Variants in KCNC4 observed in about 807,000 individuals in gnomAD.
KCNC4 encodes the protein potassium voltage-gated channel subfamily C member 4.
KCNC4 carries 23 observed loss-of-function variants against 42.8 expected under a neutral mutation model. The observed-to-expected ratio is 0.54, with a 90% CI of 0.39 to 0.76. The LOEUF (loss-of-function observed/expected upper bound fraction) is 0.76, where lower values mean the gene tolerates loss of function less well. Ranked by LOEUF, KCNC4 falls within the 30% of genes least tolerant of loss-of-function variation. The probability of loss-of-function intolerance (pLI) is 0.00; values close to 1 mark genes in which losing one functional copy is unlikely to be tolerated. For missense variants in KCNC4, 751 were observed against 898.2 expected (o/e 0.84, Z 2.10); for synonymous variants, 422 against 393.5 (o/e 1.07, Z -0.86).
intron 1 of KCNC4, among the ~76,000 whole-genome samples, chr1:110,267,435 TC>T (rs1659560059): frequency 1.3e-5 from 2 of 152,086 alleles, no homozygotes; most frequent in South Asian, 4.1e-4. Flanking sequence ...CCCCGCTGCC[TC>T]CATGTCCTTC....
chr1:110,266,458 CA>C (rs1659541891), intron 1 of KCNC4, among the ~76,000 whole-genome samples: 1 of 152,174 alleles, frequency 6.6e-6, no homozygotes, highest in South Asian at 2.1e-4. Context: ...AACAGTCATT[CA>C]TTGTTGGTAA....
chr1:110,259,620 C>T (rs1268567260), intron 1 of KCNC4, among the ~76,000 whole-genome samples: 8 of 152,116 alleles, frequency 5.3e-5, no homozygotes, highest in African/African-American at 1.9e-4. Flanking sequence ...CCCCTTCTTC[C>T]TGCCTGGAGG....
chr1:110,277,195 A>G (rs1410514448), intron 1 of KCNC4, among the ~76,000 whole-genome samples: 1 of 152,228 alleles, frequency 6.6e-6, no homozygotes, highest in Non-Finnish European at 1.5e-5. Context: ...AAAAATGTTC[A>G]GGGCCAGCCA....
intron 1 of KCNC4, among the ~76,000 whole-genome samples, chr1:110,261,408 G>A (rs892221655): frequency 6.6e-6 from 1 of 152,200 alleles, no homozygotes; most frequent in Non-Finnish European, 1.5e-5. Flanking sequence ...GACAAAGTAT[G>A]CCTGATAGGA....
chr1:110,250,880 T>A (rs1659238951), downstream of KCNC4, among the ~76,000 whole-genome samples: 1 of 152,144 alleles, frequency 6.6e-6, no homozygotes, highest in South Asian at 2.1e-4. Flanking sequence ...CAGGTGGCTG[T>A]TCCTGAAGCC....
At chr1:110,218,217 C>G (rs571963441) in intron 1 of KCNC4, among the ~76,000 whole-genome samples, 15 of 152,296 alleles carry the variant, frequency 9.8e-5, no homozygotes, top group African/African-American at 3.1e-4. Flanking sequence ...CTGGAATGCT[C>G]TAGGCTTTGT....
intron 1 of KCNC4, among the ~76,000 whole-genome samples, chr1:110,215,149 G>A (rs1305498883): frequency 6.6e-6 from 1 of 152,238 alleles, no homozygotes; most frequent in African/African-American, 2.4e-5. Flanking sequence ...GGAGCAAAAC[G>A]ATACAAATGG....
chr1:110,214,221 C>T (rs1043650969), intron 1 of KCNC4, among the ~76,000 whole-genome samples: 2 of 152,202 alleles, frequency 1.3e-5, no homozygotes, highest in Admixed American at 6.5e-5. Flanking sequence ...AAGGTTAATT[C>T]TTCCATTTAA....
Position 110,211,552 on chromosome 1 carries a change from A to C in KCNC4, c.53A>C (p.Lys18Thr). The change falls in exon 1 of 4, where the codon AAG (lysine) becomes ACG (threonine). Residue 18 changes from lysine to threonine, a missense_variant. Lys to Thr is a moderately conservative substitution (Grantham distance 78, BLOSUM62 -1). This residue lies in a region of KCNC4 where 183 missense variants were observed against 255.8 expected (regional missense o/e 0.72). Coordinates refer to ENST00000438661, the MANE Select transcript of KCNC4 (RefSeq NM_001039574.3). The surrounding 1 kb of genome is among the most constrained non-coding windows in gnomAD (Gnocchi z 6.5). The stretch of plus-strand genomic sequence containing the variant: ...TACCGCGGGCGCAAGTCGGGGAACA[A>C]GCCTCCGTCCAAAACATGTCTGAAG... ...SSYRGRKSGN[K>T]PPSKTCLKEE... 6.2e-7 allele frequency: 1 copy of C among 1,614,072 alleles called. No homozygotes were observed. Among genetic ancestry groups the C allele is most frequent in the Non-Finnish European group, 8.5e-7 (1 of 1,179,980 alleles).
At chr1:110,277,090 G>A (rs1659739982) in intron 1 of KCNC4, among the ~76,000 whole-genome samples, 1 of 152,188 alleles carries the variant, frequency 6.6e-6, no homozygotes. Context: ...TCTAAATTTA[G>A]CCATCTGTTT....
chr1:110,223,777 C>G lies in KCNC4; in HGVS notation c.1492C>G (p.Arg498Gly), dbSNP rs372024993. The G allele has an allele frequency of 1.2e-6, 2 of 1,614,156 alleles. No homozygotes were observed. Among genetic ancestry groups the G allele is most frequent in the Admixed American group, 3.3e-5 (2 of 60,030 alleles). Residue 498 changes from arginine (R) to glycine (G), a missense_variant, in exon 2 of 4, where the codon CGG becomes GGG. Physicochemically the swap from Arg to Gly is moderately radical, Grantham distance 125. This residue lies in a region of KCNC4 where 202 missense variants were observed against 181.5 expected (regional missense o/e 1.11). Transcript: ENST00000438661. The surrounding 1 kb of genome is among the most constrained non-coding windows in gnomAD (Gnocchi z 7.5). The stretch of plus-strand genomic sequence containing the variant: ...CAAGAAACGGAAGAAGCACGTGCCA[C>G]GGCCGGCGCAGCTGGAGTCACCCAT... ...LPKKRKKHVP[R>G]PAQLESPMYC...
downstream of KCNC4, among the ~76,000 whole-genome samples, chr1:110,250,678 C>G (rs544566317): frequency 5.3e-5 from 8 of 152,268 alleles, no homozygotes; most frequent in South Asian, 1.5e-3. Flanking sequence ...CCTTTATTCA[C>G]TCAGTCATCC....
At chr1:110,227,185 A>G (rs1658441076) in intron 3 of KCNC4, among the ~76,000 whole-genome samples, 1 of 152,160 alleles carries the variant, frequency 6.6e-6, no homozygotes, top group Admixed American at 6.5e-5. Context: ...TCTGTCCCCA[A>G]ACCCCAGACC....
chr1:110,281,415 C>T (rs1295830316), intron 1 of KCNC4, among the ~76,000 whole-genome samples: 2 of 151,998 alleles, frequency 1.3e-5, no homozygotes, highest in Admixed American at 6.6e-5. Context: ...GCTCCCACTC[C>T]TCTCTTCAGA....
chr1:110,230,972 G>C (rs1658663797), intron 3 of KCNC4, among the ~76,000 whole-genome samples: 1 of 152,236 alleles, frequency 6.6e-6, no homozygotes, highest in Non-Finnish European at 1.5e-5. Context: ...TGAGAGTAGA[G>C]TTTGTTTTCC....
chr1:110,267,526 A>G (rs1362225357), intron 1 of KCNC4, among the ~76,000 whole-genome samples: 1 of 152,106 alleles, frequency 6.6e-6, no homozygotes, highest in East Asian at 1.9e-4. Flanking sequence ...TACATTTACA[A>G]TCCGGCTCCT....
At chr1:110,258,387 G>A (rs969680201) in intron 1 of KCNC4, among the ~76,000 whole-genome samples, 1 of 152,032 alleles carries the variant, frequency 6.6e-6, no homozygotes, top group African/African-American at 2.4e-5. Flanking sequence ...ACAGGCACAC[G>A]CCACCATGCC....
intron 3 of KCNC4, chr1:110,226,450 C>G (rs1196192016): frequency 4.0e-6 from 2 of 499,920 alleles, no homozygotes. Context: ...GCCAGGGTCC[C>G]TGCCCCGTGC....
chr1:110,225,791 C>T, intron 2 of KCNC4, 184 bp from the exon 3 acceptor site: 2 of 594,490 alleles, frequency 3.4e-6, no homozygotes, highest in Non-Finnish European at 5.9e-6. Context: ...GTCTTCACAC[C>T]AAGTGTAGCA....
Sources: allele counts gnomAD v4.1 joint callset (sites outside exome capture counted in the v4.1 genomes callset), GRCh38; gene constraint gnomAD v4.1.1; regional missense constraint gnomAD v4.1.1; non-coding constraint Gnocchi (gnomAD v3.1); transcripts MANE v1.5; gene names NCBI Gene and HGNC (gene_info 2026-07-23, HGNC 2026-07-21).